The following ARHGAP35 variants were observed in gnomAD, a reference collection of about 807,000 sequenced individuals.
ARHGAP35 encodes Rho GTPase activating protein 35.
Under a neutral mutation model 111.1 loss-of-function variants are expected in ARHGAP35, and 15 were observed. The ratio of observed to expected loss-of-function variants is 0.13; its 90% CI spans 0.09 to 0.21. The LOEUF is 0.21. Ranked by LOEUF, ARHGAP35 falls within the 10% of genes least tolerant of loss-of-function variation. ARHGAP35 has a pLI of 1.00. For synonymous variants in ARHGAP35, 643 were observed against 710.3 expected, an observed-to-expected ratio of 0.91 and a Z score of 1.51; for missense variants, 1,262 against 1,873.0, an observed-to-expected ratio of 0.67 and a Z score of 6.02.
intron 1 of ARHGAP35, among the ~76,000 whole-genome samples, chr19:46,878,046 G>C (rs1232963235): frequency 6.6e-6 from 1 of 151,786 alleles, no homozygotes; most frequent in African/African-American, 2.4e-5. Flanking sequence ...TTTTGAGACA[G>C]AGTCTTCCTT....
chr19:46,978,198 TCAGCCTTCCTGCCTGA>T (rs1367388944), intron 3 of ARHGAP35, among the ~76,000 whole-genome samples: 14 of 152,296 alleles, frequency 9.2e-5, no homozygotes, highest in African/African-American at 3.4e-4. Flanking sequence ...GGGACTGGGA[TCAGCCTTCCTGCCTGA>T]GGCTTACAGG....
chr19:46,867,134 A>G (rs1384139214), intron 1 of ARHGAP35, among the ~76,000 whole-genome samples: 2 of 152,246 alleles, frequency 1.3e-5, no homozygotes, highest in South Asian at 2.1e-4. Context: ...TTAAGTTGAT[A>G]TATTAGCAGA....
Position 46,920,328 on chromosome 19 carries a change from G to C in ARHGAP35, c.1653G>C (p.Val551=). The change falls in exon 2 of 7, where the codon GTG becomes GTC. Residue 551 remains valine, a synonymous_variant. Coordinates refer to ENST00000672722, the MANE Select transcript of ARHGAP35 (RefSeq NM_004491.5). This position sits in a 1 kb window ranked among gnomAD's most constrained non-coding sequence, Gnocchi z 7.0. Reference sequence around the variant, plus strand: ...TTATTCTGAAACACATTCATTTTGTGTACCACCCAACAAAGGAGACATGCC... The same window carrying C: ...TTATTCTGAAACACATTCATTTTGTCTACCACCCAACAAAGGAGACATGCC... ...DALILKHIHF[V]YHPTKETCPS... The C allele has an allele frequency of 6.2e-7, 1 of 1,613,988 alleles. No homozygotes were observed. Among genetic ancestry groups the C allele is most frequent in the Non-Finnish European group, 8.5e-7 (1 of 1,179,890 alleles).
Position 46,921,985 on chromosome 19 carries a change from A to G in ARHGAP35, c.3310A>G (p.Ile1104Val), listed in dbSNP as rs1196339118. Residue 1104 changes from isoleucine to valine, a missense_variant, in exon 2 of 7, where the codon ATA (isoleucine) becomes GTA (valine). Physicochemically the swap from Ile to Val is conservative, Grantham distance 29. This residue lies in a region of ARHGAP35 where 579 missense variants were observed against 716.9 expected (regional missense o/e 0.81). Coordinates refer to ENST00000672722, the MANE Select transcript of ARHGAP35 (RefSeq NM_004491.5). The surrounding 1 kb of genome is among the most constrained non-coding windows in gnomAD (Gnocchi z 4.3). The part of the protein sequence containing the change: ...VVKPRNEEEN[I>V]YSVPHDSTQG... ...GAAGCCAAGGAATGAAGAAGAAAACATATACTCCGTGCCCCATGACAGCAC... is the reference window on the plus strand; with the variant it reads ...GAAGCCAAGGAATGAAGAAGAAAACGTATACTCCGTGCCCCATGACAGCAC... 2 of 1,613,916 alleles carry G rather than the reference A, an allele frequency of 1.2e-6. No homozygotes were observed. The highest frequency in any genetic ancestry group is 1.7e-6 in the Non-Finnish European group (2 of 1,179,906).
chr19:46,987,956 C>T (rs1255862937), intron 3 of ARHGAP35, 33 bp from the exon 4 acceptor site: 3 of 1,608,220 alleles, frequency 1.9e-6, no homozygotes, highest in Non-Finnish European at 2.6e-6. Flanking sequence ...CTCTCCAGTT[C>T]CTGCTCCTAA....
chr19:46,870,090 G>T (rs916022002), intron 1 of ARHGAP35, among the ~76,000 whole-genome samples: 19 of 151,524 alleles, frequency 1.3e-4, no homozygotes, highest in Non-Finnish European at 2.1e-4. Flanking sequence ...GGGACTACAG[G>T]CGCCCGCCAC....
chr19:46,874,501 C>CTTTTTTTTTTTTTTT (rs758783354), intron 1 of ARHGAP35, among the ~76,000 whole-genome samples: 1 of 114,468 alleles, frequency 8.7e-6, no homozygotes, highest in Non-Finnish European at 1.7e-5. Flanking sequence ...TATGTTTTGT[C>CTTTTTTTTTTTTTTT]TTTTTTTTTT....
chr19:46,863,667 TC>T (rs1309657759), intron 1 of ARHGAP35, among the ~76,000 whole-genome samples: 1 of 131,476 alleles, frequency 7.6e-6, no homozygotes, highest in Non-Finnish European at 1.6e-5. Flanking sequence ...CCTTCGCCCC[TC>T]CCCCCCAGCT....
intron 2 of ARHGAP35, among the ~76,000 whole-genome samples, chr19:46,929,938 A>T (rs868488236): frequency 1.6e-4 from 24 of 151,560 alleles, no homozygotes; most frequent in African/African-American, 3.9e-4. Context: ...AATTAAAAAA[A>T]TTTTTTAAAA....
In ARHGAP35 at chr19:46,921,424, G is replaced by A. The variant is rs749611145; in HGVS notation, c.2749G>A (p.Gly917Arg). ...EGEEIAQEID[G>R]RFTSIPCSQP... Reference sequence around the variant, plus strand: ...GGAGGAGATTGCTCAAGAAATTGACGGAAGGTTCACAAGCATCCCCTGTAG... The same window carrying A: ...GGAGGAGATTGCTCAAGAAATTGACAGAAGGTTCACAAGCATCCCCTGTAG... Residue 917 changes from glycine (G) to arginine (R), a missense_variant, in exon 2 of 7, where the codon GGA (glycine) becomes AGA (arginine). Physicochemically the swap from Gly to Arg is moderately radical, Grantham distance 125. Transcript: ENST00000672722. The surrounding 1 kb of genome is among the most constrained non-coding windows in gnomAD (Gnocchi z 4.3). The A allele has an allele frequency of 4.3e-6, 7 of 1,613,752 alleles. No homozygotes were observed. The highest frequency in any genetic ancestry group is 1.6e-4 in the Middle Eastern group (1 of 6,084).
At chr19:46,866,661 C>T (rs1204278753) in intron 1 of ARHGAP35, among the ~76,000 whole-genome samples, 1 of 152,158 alleles carries the variant, frequency 6.6e-6, no homozygotes, top group Non-Finnish European at 1.5e-5. Flanking sequence ...CAATCCCCAA[C>T]TGCCTGTCAT....
At chr19:46,958,629 G>C (rs2056456895) in intron 3 of ARHGAP35, among the ~76,000 whole-genome samples, 6 of 152,178 alleles carry the variant, frequency 3.9e-5, no homozygotes, top group Admixed American at 3.9e-4. Context: ...GCTCTACCTC[G>C]TTGATTGACC....
chr19:46,912,507 C>G (rs2056142635), intron 1 of ARHGAP35, among the ~76,000 whole-genome samples: 1 of 152,130 alleles, frequency 6.6e-6, no homozygotes, highest in African/African-American at 2.4e-5. Context: ...GTGCCCACCA[C>G]CTCGCCCAGC....
At chr19:46,890,696 TG>T (rs2056019490) in intron 1 of ARHGAP35, among the ~76,000 whole-genome samples, 1 of 152,248 alleles carries the variant, frequency 6.6e-6, no homozygotes, top group Non-Finnish European at 1.5e-5. Context: ...ATTAGGTGTT[TG>T]GGGCCTTTGC....
In ARHGAP35 at chr19:46,918,399, A is replaced by G. The variant is rs1446257647; in HGVS notation, c.-188-89A>G. 6.6e-6 allele frequency among the ~76,000 whole-genome samples: 1 copy of G among 152,226 alleles called. No individual in the cohort carries two copies. Among genetic ancestry groups the G allele is most frequent in the Non-Finnish European group, 1.5e-5 (1 of 68,038 alleles). On this transcript the variant is annotated intron_variant, in intron 1 of 6. Transcript: ENST00000672722. The surrounding 1 kb of genome is among the most constrained non-coding windows in gnomAD (Gnocchi z 5.4). ...ATGTTTACTAAATATTTGTTGAATA[A>G]AAAATTAATTTTTACTGTAGTTAAT...
chr19:46,895,038 T>C (rs1358805972), intron 1 of ARHGAP35, among the ~76,000 whole-genome samples: 1 of 152,170 alleles, frequency 6.6e-6, no homozygotes, highest in African/African-American at 2.4e-5. Context: ...CTTGAAAGAG[T>C]ATTTCCAGAA....
intron 3 of ARHGAP35, among the ~76,000 whole-genome samples, chr19:46,943,785 T>C (rs1281542903): frequency 6.6e-6 from 1 of 152,128 alleles, no homozygotes; most frequent in African/African-American, 2.4e-5. Flanking sequence ...AAGGCAGAGC[T>C]TGGGAGTTTG....
chr19:46,889,750 C>CAA lies in ARHGAP35; in HGVS notation c.-189+28561_-189+28562dup, dbSNP rs5828291. On this transcript the variant is annotated intron_variant, in intron 1 of 6. Coordinates refer to ENST00000672722, the MANE Select transcript of ARHGAP35 (RefSeq NM_004491.5). ...TGGGCGACAGAGCGAGACTCCGTCT[C>CAA]AAAAAAAAAAAAAAAAAAAAAGAGT... is the stretch of plus-strand genomic sequence containing the variant. 8.7e-3 allele frequency among the ~76,000 whole-genome samples: 735 copies of CAA among 84,458 alleles called. 29 individuals carry two copies. Among genetic ancestry groups the CAA allele is most frequent in the African/African-American group, 0.013 (272 of 20,720 alleles). 55.4% of individuals were successfully genotyped at this position (84,458 alleles called of 152,430 possible). A position where few individuals can be genotyped will look rare whatever the true frequency, so the allele number is the denominator to read the frequency against.
intron 3 of ARHGAP35, among the ~76,000 whole-genome samples, chr19:46,950,107 T>C (rs1473823040): frequency 6.6e-6 from 1 of 152,206 alleles, no homozygotes; most frequent in Non-Finnish European, 1.5e-5. Flanking sequence ...CATCCAATGG[T>C]ATGGAATACT....
Sources: gnomAD v4.1 joint callset for allele counts (sites outside exome capture counted in the v4.1 genomes callset) on GRCh38, gnomAD v4.1.1 for gene constraint, gnomAD v4.1.1 regional missense constraint, Gnocchi (gnomAD v3.1) non-coding constraint, MANE v1.5 for transcripts, NCBI Gene and HGNC (gene_info 2026-07-23, HGNC 2026-07-21) for gene names.